Variants in NUP85 observed in about 807,000 individuals in gnomAD.
The protein encoded by NUP85 is nuclear pore complex protein Nup85.
In NUP85, 23 loss-of-function variants were observed where a neutral mutation model predicts 92.8. The observed-to-expected ratio is 0.25, with a 90% CI of 0.18 to 0.35. The LOEUF (loss-of-function observed/expected upper bound fraction) is 0.35, where lower values mean the gene tolerates loss of function less well. Ranked by LOEUF, NUP85 falls within the 10% of genes least tolerant of loss-of-function variation. The pLI is 1.00. For missense variants in NUP85, 759 were observed against 822.8 expected (o/e 0.92, Z 0.95); for synonymous variants, 314 against 306.9 (o/e 1.02, Z -0.24).
chr17:75,227,518 A>G (rs923116905), intron 11 of NUP85, among the ~76,000 whole-genome samples: 4 of 151,772 alleles, frequency 2.6e-5, no homozygotes, highest in African/African-American at 4.8e-5. Flanking sequence ...GTGTTTTTCA[A>G]TAGAGACAGG....
Position 75,235,653 on chromosome 17 carries a change from A to G in NUP85, c.1945A>G (p.Arg649Gly), listed in dbSNP as rs2076305769. The change falls in exon 19 of 19, where the codon AGA (arginine) becomes GGA (glycine). Residue 649 changes from arginine (R) to glycine (G), a missense_variant. By Grantham distance (125) the Arg-to-Gly change is moderately radical. Transcript: ENST00000245544. ...LARNLARAII[R>G]EGSLEGS is the part of the protein sequence containing the mutation. ...ACGAAATCTTGCTCGGGCAATTATA[A>G]GAGAAGGCTCACTGGAAGGTTCCTG... 2.5e-6 allele frequency: 4 copies of G among 1,613,814 alleles called. No individual in the cohort carries two copies. In the South Asian group the frequency reaches 3.3e-5, roughly 13 times the overall value.
At chr17:75,232,034 C>A in intron 14 of NUP85, 55 bp downstream of exon 14, 1 of 1,593,848 alleles carries the variant, frequency 6.3e-7, no homozygotes, top group South Asian at 1.1e-5. Flanking sequence ...GTCAGGGGAT[C>A]CTGAGGTCAC....
At chr17:75,222,817 T>C (rs560935525) in intron 7 of NUP85, among the ~76,000 whole-genome samples, 107 of 151,938 alleles carry the variant, frequency 7.0e-4, no homozygotes, top group Non-Finnish European at 1.3e-3. Flanking sequence ...GGGCGGATCA[T>C]GAAGTCAGGA....
chr17:75,234,706 C>T lies in NUP85; in HGVS notation c.1685C>T (p.Ser562Phe). The T allele has an allele frequency of 6.2e-7, 1 of 1,614,220 alleles. No individual in the cohort carries two copies. The highest frequency in any genetic ancestry group is 8.5e-7 in the Non-Finnish European group (1 of 1,180,022). ...GCCGACGCAGCTTCTCTCCTTCTGT[C>T]CTTGATGACGTCTCGGATTGCCCCT... is the stretch of plus-strand genomic sequence containing the variant. ...RFADAASLLL[S>F]LMTSRIAPRS... Residue 562 changes from serine to phenylalanine, a missense_variant, in exon 17 of 19, where the codon TCC (serine) becomes TTC (phenylalanine). Physicochemically the swap from Ser to Phe is radical, Grantham distance 155. Transcript: ENST00000245544.
chr17:75,210,082 A>G (rs1692884054), intron 3 of NUP85, 97 bp downstream of exon 3: 1 of 1,263,050 alleles, frequency 7.9e-7, no homozygotes, highest in Admixed American at 2.5e-5. Context: ...TGGGTTGCGT[A>G]AAGAAATAAG....
rs533839113 is a variant in NUP85, at chr17:75,231,710, G to A, written c.1244+72G>A. On this transcript the variant is annotated intron_variant, in intron 13 of 18. Transcript: ENST00000245544. The surrounding 1 kb of genome is among the most constrained non-coding windows in gnomAD (Gnocchi z 4.6). ...TGCGGGTGCCATTGGAGCTTGGACT[G>A]TTCTCTCCCAGTTGGCTCCTTGAAG... The A allele has an allele frequency of 7.5e-6, 12 of 1,604,786 alleles. No individual in the cohort carries two copies. In the African/African-American group the frequency reaches 1.1e-4, roughly 14 times the overall value.
At chr17:75,211,895 C>G in intron 3 of NUP85, 97 bp from the exon 4 acceptor site, 1 of 983,032 alleles carries the variant, frequency 1.0e-6, no homozygotes, top group Non-Finnish European at 1.6e-6. Context: ...TCTCCTCTTT[C>G]TTTCAGCAAA....
intron 5 of NUP85, among the ~76,000 whole-genome samples, chr17:75,214,642 T>C (rs1340495652): frequency 6.7e-6 from 1 of 148,896 alleles, no homozygotes; most frequent in East Asian, 2.0e-4. Flanking sequence ...GTGGATCTCT[T>C]GAGGTTAGGA....
intron 14 of NUP85, among the ~76,000 whole-genome samples, chr17:75,232,316 T>C (rs1211504246): frequency 2.0e-5 from 3 of 152,088 alleles, no homozygotes; most frequent in Non-Finnish European, 4.4e-5. Context: ...CCTGGCTCAA[T>C]GGGGAAGCAG....
intron 5 of NUP85, among the ~76,000 whole-genome samples, chr17:75,213,902 C>T (rs564495660): frequency 0.12 from 17,405 of 142,398 alleles, 1,431 homozygotes; most frequent in Middle Eastern, 0.22. Flanking sequence ...GACGGAGTCT[C>T]TCTCTGTCGC....
At chr17:75,220,893 T>C (rs914540552) in intron 7 of NUP85, among the ~76,000 whole-genome samples, 16 of 146,870 alleles carry the variant, frequency 1.1e-4, no homozygotes, top group Admixed American at 4.1e-4. Flanking sequence ...TTTTTTTTTT[T>C]TTTTTTTAGC....
Position 75,227,326 on chromosome 17 carries a change from G to GTTTTTTGTTTTTTTTTTTTTTTTTTTGTT in NUP85, c.1094+1175_1094+1176insGTTTTTTTTTTTTTTTTTTTGTTTTTTTT, listed in dbSNP as rs2075838505. ...AAGTTTTTTGTGTGTTTGTTTCTGG[G>GTTTTTTGTTTTTTTTTTTTTTTTTTTGTT]TTTTTTTTTTTTTTTTTTTTTTTTT... On this transcript the variant is annotated intron_variant, in intron 11 of 18. Transcript: ENST00000245544. 1.8e-5 allele frequency among the ~76,000 whole-genome samples: 2 copies of GTTTTTTGTTTTTTTTTTTTTTTTTTTGTT among 114,152 alleles called. 1 individual carries two copies. The allele number at this position is 114,152 out of a possible 152,430, so 74.9% of individuals were successfully genotyped here.
chr17:75,215,624 C>A, intron 5 of NUP85, 130 bp from the exon 6 acceptor site: 1 of 758,636 alleles, frequency 1.3e-6, no homozygotes, highest in Non-Finnish European at 2.2e-6. Context: ...GGAAATCCTC[C>A]AGTAGGATTG....
intron 11 of NUP85, chr17:75,228,348 C>G: frequency 5.1e-6 from 5 of 985,418 alleles, no homozygotes; most frequent in Non-Finnish European, 6.0e-6. Context: ...GTCTCAGCCT[C>G]TCTCCACTCT....
At position 75,235,168 on chromosome 17, in the gene NUP85, T is replaced by C; in HGVS notation, c.1836T>C (p.Pro612=). 6.2e-7 allele frequency: 1 copy of C among 1,614,076 alleles called. No homozygotes were observed. ...RCLEDLTSRR[P]VHGESDTEQL... is the part of the protein sequence containing the mutation. The stretch of plus-strand genomic sequence containing the variant: ...TGGAGGACTTGACGTCAAGAAGACC[T>C]GTGCATGGAGAATCTGATACCGAGC... Residue 612 remains proline, a synonymous_variant, in exon 18 of 19, where the codon CCT becomes CCC. Transcript: ENST00000245544.
chr17:75,226,142 T>C lies in NUP85; in HGVS notation c.1079T>C (p.Val360Ala), dbSNP rs1333137766. ...LAAFEFDIHQ[V>A]IKECSIALSN... Reference sequence around the variant, plus strand: ...GCCTTTGAGTTTGACATCCATCAAGTAATCAAAGAGTGCAGGTAGGATCTC... The same window carrying C: ...GCCTTTGAGTTTGACATCCATCAAGCAATCAAAGAGTGCAGGTAGGATCTC... The change falls in exon 11 of 19, where the codon GTA becomes GCA. Residue 360 changes from valine (V) to alanine (A), a missense_variant. Physicochemically the swap from Val to Ala is moderately conservative, Grantham distance 64. Coordinates refer to ENST00000245544, the MANE Select transcript of NUP85 (RefSeq NM_024844.5). 1 of 1,613,834 alleles carries C rather than the reference T, an allele frequency of 6.2e-7. No homozygotes were observed. The highest frequency in any genetic ancestry group is 1.7e-5 in the Admixed American group (1 of 59,990).
rs1295227743 is a variant in NUP85, at chr17:75,226,969, A to G, written c.1094+812A>G. Reference sequence around the variant, plus strand: ...AGAGGGTGTTCTATGATTGCACTGAATCTTTAGCAAGGCAGGAAAGGGAGT... The same window carrying G: ...AGAGGGTGTTCTATGATTGCACTGAGTCTTTAGCAAGGCAGGAAAGGGAGT... On this transcript the variant is annotated intron_variant, in intron 11 of 18. Coordinates refer to ENST00000245544, the MANE Select transcript of NUP85 (RefSeq NM_024844.5). 3 of 253,846 alleles carry G rather than the reference A, an allele frequency of 1.2e-5. No individual in the cohort carries two copies. In the South Asian group the frequency reaches 1.2e-4, roughly 10 times the overall value. 15.7% of individuals were successfully genotyped at this position (253,846 alleles called of 1,614,324 possible).
chr17:75,210,096 C>G, intron 3 of NUP85, 111 bp downstream of exon 3: 1 of 1,065,344 alleles, frequency 9.4e-7, no homozygotes, highest in East Asian at 2.6e-5. Context: ...AAATAAGAGA[C>G]TCCTGGTTCT....
At chr17:75,227,352 T>TTTTTG (rs2075849877) in intron 11 of NUP85, among the ~76,000 whole-genome samples, 1 of 67,206 alleles carries the variant, frequency 1.5e-5, no homozygotes, top group Admixed American at 1.8e-4. Flanking sequence ...TTTTTTTTTT[T>TTTTTG]GAGACAGAGT....
Sources: gnomAD v4.1 joint callset for allele counts (sites outside exome capture counted in the v4.1 genomes callset) on GRCh38, gnomAD v4.1.1 for gene constraint, Gnocchi (gnomAD v3.1) non-coding constraint, MANE v1.5 for transcripts, NCBI Gene and HGNC (gene_info 2026-07-23, HGNC 2026-07-21) for gene names.